DNAJC1: variants seen among roughly 807,000 people sequenced by gnomAD.
The protein encoded by DNAJC1 is DnaJ heat shock protein family (Hsp40) member C1, also known as dnaJ homolog subfamily C member 1.
DNAJC1 carries 58 observed loss-of-function variants against 76.6 expected under a neutral mutation model. The ratio of observed to expected loss-of-function variants is 0.76; its 90% CI spans 0.61 to 0.94. The LOEUF (loss-of-function observed/expected upper bound fraction) is 0.94. Ranked by LOEUF, DNAJC1 falls within the 40% of genes least tolerant of loss-of-function variation. DNAJC1 has a pLI of 0.00. For synonymous variants in DNAJC1, 258 were observed against 267.9 expected, an observed-to-expected ratio of 0.96 and a Z score of 0.36; for missense variants, 689 against 677.3, an observed-to-expected ratio of 1.02 and a Z score of -0.19.
intron 6 of DNAJC1, among the ~76,000 whole-genome samples, chr10:21,915,923 A>C (rs1836946693): frequency 6.6e-6 from 1 of 151,788 alleles, no homozygotes; most frequent in Admixed American, 6.6e-5. Context: ...TGGGGGGATC[A>C]CTTGAGCCCA....
At chr10:21,835,038 G>C (rs1307449774) in intron 8 of DNAJC1, among the ~76,000 whole-genome samples, 1 of 152,180 alleles carries the variant, frequency 6.6e-6, no homozygotes, top group African/African-American at 2.4e-5. Context: ...CCTCAAGTGG[G>C]TCCCTGATCC....
At chr10:21,971,823 T>C (rs1481385135) in intron 1 of DNAJC1, among the ~76,000 whole-genome samples, 2 of 151,906 alleles carry the variant, frequency 1.3e-5, no homozygotes, top group African/African-American at 2.4e-5. Context: ...TCAGCCTTCA[T>C]GGTATTACAA....
chr10:21,938,574 A>G (rs924466325), intron 1 of DNAJC1, among the ~76,000 whole-genome samples: 2 of 152,142 alleles, frequency 1.3e-5, no homozygotes, highest in African/African-American at 4.8e-5. Flanking sequence ...AAATCCTGCC[A>G]TTGTAGTAAG....
intron 6 of DNAJC1, among the ~76,000 whole-genome samples, chr10:21,908,642 T>C (rs749215656): frequency 3.3e-5 from 5 of 152,032 alleles, no homozygotes; most frequent in Non-Finnish European, 5.9e-5. Context: ...TCCATCCTTA[T>C]AGCCCTAGTA....
intron 9 of DNAJC1, among the ~76,000 whole-genome samples, chr10:21,787,944 G>A (rs1834633648): frequency 1.3e-5 from 2 of 152,222 alleles, no homozygotes; most frequent in Non-Finnish European, 1.5e-5. Context: ...ACTAATGCTG[G>A]AGTAGTCTTG....
At chr10:21,963,592 T>C (rs947994006) in intron 1 of DNAJC1, among the ~76,000 whole-genome samples, 1 of 152,240 alleles carries the variant, frequency 6.6e-6, no homozygotes, top group Admixed American at 6.5e-5. Context: ...TACTGAGTAG[T>C]GCAGTCTATG....
intron 1 of DNAJC1, among the ~76,000 whole-genome samples, chr10:21,958,378 G>C (rs1837727788): frequency 6.6e-6 from 1 of 151,060 alleles, no homozygotes; most frequent in Non-Finnish European, 1.5e-5. Context: ...TCTAGTTTTA[G>C]AATATTTCCA....
At chr10:21,774,510 T>C (rs1332093404) in intron 9 of DNAJC1, among the ~76,000 whole-genome samples, 1 of 152,372 alleles carries the variant, frequency 6.6e-6, no homozygotes, top group South Asian at 2.1e-4. Flanking sequence ...TTCTCCTCTC[T>C]GTCACCTAGA....
At chr10:21,964,471 C>G (rs1411195711) in intron 1 of DNAJC1, among the ~76,000 whole-genome samples, 1 of 152,228 alleles carries the variant, frequency 6.6e-6, no homozygotes, top group Non-Finnish European at 1.5e-5. Context: ...CTTGGTCTCC[C>G]ACAGTGCTGG....
intron 7 of DNAJC1, among the ~76,000 whole-genome samples, chr10:21,888,928 T>A (rs1057125466): frequency 6.6e-6 from 1 of 152,166 alleles, no homozygotes; most frequent in Non-Finnish European, 1.5e-5. Flanking sequence ...TTTTCTAAAC[T>A]TTTAGGTTCA....
At chr10:21,770,966 A>G (rs979319849) in intron 9 of DNAJC1, among the ~76,000 whole-genome samples, 1 of 152,136 alleles carries the variant, frequency 6.6e-6, no homozygotes, top group Non-Finnish European at 1.5e-5. Flanking sequence ...ATTAAATTAG[A>G]CTTTAATTTC....
In DNAJC1 at chr10:22,002,842, A is replaced by G. The variant is rs553358076; in HGVS notation, c.222+371T>C. On this transcript the variant is annotated intron_variant, in intron 1 of 11. Transcript: ENST00000376980. ...CACATTCAGGGGGACAGGAAGGCAA[A>G]AGGTAGGTGTTAAATTAAAAAAAAA... Among the ~76,000 whole-genome samples, 5 of 151,478 alleles carry G rather than the reference A, an allele frequency of 3.3e-5. No homozygotes were observed. In the East Asian group the frequency reaches 7.8e-4, roughly 24 times the overall value.
intron 1 of DNAJC1, among the ~76,000 whole-genome samples, chr10:21,955,786 C>T (rs182443769): frequency 4.9e-4 from 74 of 152,208 alleles, no homozygotes; most frequent in African/African-American, 1.5e-3. Context: ...CATATGCTTA[C>T]GCTTATAAAG....
chr10:21,871,153 A>T (rs1276604200), intron 8 of DNAJC1, among the ~76,000 whole-genome samples: 3 of 152,106 alleles, frequency 2.0e-5, no homozygotes, highest in African/African-American at 7.3e-5. Context: ...TGAAGTTATT[A>T]AAACAGTTGG....
intron 9 of DNAJC1, among the ~76,000 whole-genome samples, chr10:21,773,913 G>A (rs1262226831): frequency 2.6e-4 from 39 of 151,252 alleles, no homozygotes; most frequent in South Asian, 2.1e-4. Flanking sequence ...AGGCCGAGGC[G>A]GGCGGATCAC....
intron 8 of DNAJC1, among the ~76,000 whole-genome samples, chr10:21,838,474 C>G (rs1590006543): frequency 6.6e-6 from 1 of 152,112 alleles, no homozygotes; most frequent in East Asian, 1.9e-4. Flanking sequence ...TACCCAGGGA[C>G]ACAAACACTG....
At chr10:21,791,978 C>T (rs944190131) in intron 9 of DNAJC1, among the ~76,000 whole-genome samples, 9 of 151,886 alleles carry the variant, frequency 5.9e-5, no homozygotes, top group Non-Finnish European at 8.8e-5. Flanking sequence ...GTTAGCTTAG[C>T]GTAACCAAAA....
intron 8 of DNAJC1, among the ~76,000 whole-genome samples, chr10:21,856,741 A>G (rs1172040076): frequency 6.7e-6 from 1 of 149,132 alleles, no homozygotes; most frequent in Non-Finnish European, 1.5e-5. Flanking sequence ...AGAAAAAAAA[A>G]TTTTTTTTTT....
At chr10:21,895,444 C>G (rs1836525986) in intron 7 of DNAJC1, among the ~76,000 whole-genome samples, 1 of 152,132 alleles carries the variant, frequency 6.6e-6, no homozygotes. Context: ...AACTTAAGAG[C>G]AATGGGCTAG....
Sources: allele counts gnomAD v4.1 joint callset (sites outside exome capture counted in the v4.1 genomes callset), GRCh38; gene constraint gnomAD v4.1.1; transcripts MANE v1.5; gene names NCBI Gene and HGNC (gene_info 2026-07-23, HGNC 2026-07-21).